The following LARP4 variants were observed in gnomAD, a reference collection of about 807,000 sequenced individuals.
LARP4 encodes the protein la-related protein 4.
In LARP4, 29 loss-of-function variants were observed where a neutral mutation model predicts 92.9. The observed-to-expected ratio is 0.31, with a 90% confidence interval of 0.23 to 0.43. The LOEUF (loss-of-function observed/expected upper bound fraction) is 0.43, where lower values mean the gene tolerates loss of function less well. Among genes scored for constraint, LARP4 ranks in the 20% least tolerant of loss-of-function variants. LARP4 has a pLI of 1.00. For synonymous variants in LARP4, 279 were observed against 284.1 expected, an observed-to-expected ratio of 0.98 and a Z score of 0.18; for missense variants, 732 against 860.0, an observed-to-expected ratio of 0.85 and a Z score of 1.86.
intron 1 of LARP4, among the ~76,000 whole-genome samples, chr12:50,423,360 A>G (rs1000106993): frequency 2.6e-5 from 4 of 152,190 alleles, no homozygotes; most frequent in African/African-American, 7.2e-5. Flanking sequence ...TTTTGATAGA[A>G]TGCGTCGGTG....
chr12:50,470,037 TAGAG>T (rs756024039), intron 13 of LARP4, among the ~76,000 whole-genome samples: 1 of 150,316 alleles, frequency 6.7e-6, no homozygotes, highest in Non-Finnish European at 1.5e-5. Flanking sequence ...GTGGGCAACA[TAGAG>T]AGGTCCCGTC....
rs915491346 is a variant in LARP4 at position 50,478,186 on chromosome 12, GTTAT to G, written c.*2326_*2329del. The stretch of plus-strand genomic sequence containing the variant: ...GTATATTTTTGCTTTTACTTCAAAT[GTTAT>G]TTAAAGTAGAAATTTAATTTGTAGA... On this transcript the variant is annotated 3_prime_UTR_variant, in exon 16 of 16. Coordinates refer to ENST00000398473, the MANE Select transcript of LARP4 (RefSeq NM_052879.5). The G allele has an allele frequency of 4.6e-5, 7 of 152,176 alleles. No homozygotes were observed. Among genetic ancestry groups the G allele is most frequent in the Middle Eastern group, 3.2e-3 (1 of 316 alleles). 9.4% of individuals were successfully genotyped at this position (152,176 alleles called of 1,614,324 possible).
In LARP4 at chr12:50,402,703, G is replaced by A. The variant is rs80188006; in HGVS notation, c.18+1675G>A. On this transcript the variant is annotated intron_variant, in intron 1 of 15. Coordinates refer to ENST00000398473, the MANE Select transcript of LARP4 (RefSeq NM_052879.5). ...ACAAAACCGAGCCCCAGAGGTTAAA[G>A]TAACTTTACTTAGTAAAAGTAAAGT... is the stretch of plus-strand genomic sequence containing the variant. The A allele has an allele frequency of 2.7e-5, 12 of 447,212 alleles. No individual in the cohort carries two copies. In the East Asian group the frequency reaches 8.7e-4, roughly 32 times the overall value. 27.7% of individuals were successfully genotyped at this position (447,212 alleles called of 1,614,324 possible).
At chr12:50,418,458 T>C (rs1947215224) in intron 1 of LARP4, among the ~76,000 whole-genome samples, 1 of 152,256 alleles carries the variant, frequency 6.6e-6, no homozygotes, top group Admixed American at 6.5e-5. Flanking sequence ...CCTTGAAATA[T>C]TATGAATTAG....
chr12:50,457,951 T>A (rs1954624565), intron 10 of LARP4, among the ~76,000 whole-genome samples: 1 of 151,392 alleles, frequency 6.6e-6, no homozygotes, highest in Non-Finnish European at 1.5e-5. Context: ...TTTTTTTTTT[T>A]AAGACAGTGT....
At chr12:50,414,884 T>G (rs1254947703) in intron 1 of LARP4, among the ~76,000 whole-genome samples, 2 of 152,182 alleles carry the variant, frequency 1.3e-5, no homozygotes, top group East Asian at 1.9e-4. Flanking sequence ...TTTATATGTC[T>G]TCTTGTGTGC....
intron 1 of LARP4, among the ~76,000 whole-genome samples, chr12:50,405,752 T>C (rs17531020): frequency 0.11 from 16,694 of 152,136 alleles, 1,827 homozygotes; most frequent in East Asian, 0.47. Context: ...TCCCTGAAAA[T>C]GAAGACAGTT....
rs912990449 is a variant in LARP4, at chr12:50,473,476, C to G, written c.1607C>G (p.Ser536Cys). Residue 536 changes from serine (S) to cysteine (C), a missense_variant, in exon 14 of 16, where the codon TCT (serine) becomes TGT (cysteine). Physicochemically the swap from Ser to Cys is moderately radical, Grantham distance 112. Around this residue, in one of 7 missense-constraint regions of LARP4, gnomAD observed 97 missense variants for 85.9 expected, o/e 1.13. Coordinates refer to ENST00000398473, the MANE Select transcript of LARP4 (RefSeq NM_052879.5). Reference sequence around the variant, plus strand: ...GCAGATGAGCAGACAGAATGCACTTCTGCCCAGCAACTCAATATGAGTACC... The same window carrying G: ...GCAGATGAGCAGACAGAATGCACTTGTGCCCAGCAACTCAATATGAGTACC... ...VPADEQTECTSAQQLNMSTSS... is the reference protein window; with the variant it reads ...VPADEQTECTCAQQLNMSTSS... 8 of 1,613,114 alleles carry G rather than the reference C, an allele frequency of 5.0e-6. No individual in the cohort carries two copies. Among genetic ancestry groups the G allele is most frequent in the South Asian group, 1.1e-5 (1 of 91,066 alleles).
Position 50,454,302 on chromosome 12 carries a change from A to G in LARP4, c.1018-12A>G, listed in dbSNP as rs760767635. ...TGCCATTAATATTGTTTAAACATACATTTTTTTCTAGGCTCCCTTTCCCAA... is the reference window on the plus strand; with the variant it reads ...TGCCATTAATATTGTTTAAACATACGTTTTTTTCTAGGCTCCCTTTCCCAA... On this transcript the variant is annotated splice_polypyrimidine_tract_variant and intron_variant, in intron 9 of 15. Transcript: ENST00000398473. 3.1e-6 allele frequency: 5 copies of G among 1,600,718 alleles called. No individual in the cohort carries two copies. In the South Asian group the frequency reaches 4.4e-5, roughly 14 times the overall value.
At chr12:50,401,252 AG>A in intron 1 of LARP4, 1 of 604,826 alleles carries the variant, frequency 1.7e-6, no homozygotes, top group Non-Finnish European at 3.0e-6. Context: ...GAATTGAAGG[AG>A]AAAAACGGAG....
intron 1 of LARP4, among the ~76,000 whole-genome samples, chr12:50,414,708 T>C (rs1021086657): frequency 1.3e-5 from 2 of 152,234 alleles, no homozygotes; most frequent in Non-Finnish European, 1.5e-5. Flanking sequence ...ACAATATGCA[T>C]TGGAACAATT....
At chr12:50,452,932 CAG>C (rs1361605614) in intron 8 of LARP4, among the ~76,000 whole-genome samples, 1 of 151,978 alleles carries the variant, frequency 6.6e-6, no homozygotes, top group East Asian at 1.9e-4. Context: ...TGTTTAGAGA[CAG>C]GGTCTCGCTC....
chr12:50,427,815 A>G lies in LARP4; in HGVS notation c.72A>G (p.Glu24=). 7 of 1,600,618 alleles carry G rather than the reference A, an allele frequency of 4.4e-6. No homozygotes were observed. The African/African-American group carries it at 5.3e-5, about 12-fold the overall frequency. The change falls in exon 2 of 16, where the codon GAA becomes GAG. Residue 24 remains glutamate, a synonymous_variant. Transcript: ENST00000398473. ...ATCCTAATGCCAAAGTATGGCAAGAAATTGCTCCTGGAAATACTGATGCCA... is the reference window on the plus strand; with the variant it reads ...ATCCTAATGCCAAAGTATGGCAAGAGATTGCTCCTGGAAATACTGATGCCA... ...GLNPNAKVWQ[E]IAPGNTDATP...
chr12:50,408,616 G>A (rs1945286206), intron 1 of LARP4, among the ~76,000 whole-genome samples: 1 of 152,128 alleles, frequency 6.6e-6, no homozygotes. Flanking sequence ...TGACTAGCAG[G>A]TAAGATGATC....
At chr12:50,436,155 GGTGTGT>G (rs1233189885) in intron 5 of LARP4, among the ~76,000 whole-genome samples, 1 of 107,228 alleles carries the variant, frequency 9.3e-6, no homozygotes, top group South Asian at 3.5e-4. Flanking sequence ...ATCCCGCTGG[GGTGTGT>G]GTGTGTGTGT....
intron 13 of LARP4, among the ~76,000 whole-genome samples, chr12:50,467,845 T>G (rs1481382800): frequency 8.9e-6 from 1 of 111,962 alleles, no homozygotes; most frequent in Non-Finnish European, 2.0e-5. Flanking sequence ...TTTCTACCTT[T>G]ATTCTAATTC....
chr12:50,445,267 C>A (rs903359948), intron 8 of LARP4, among the ~76,000 whole-genome samples: 4 of 152,124 alleles, frequency 2.6e-5, no homozygotes, highest in Admixed American at 2.6e-4. Context: ...ATTTTCCATT[C>A]TTTTAAGATA....
At chr12:50,461,576 A>C in intron 11 of LARP4, 1 of 468,726 alleles carries the variant, frequency 2.1e-6, no homozygotes, top group Non-Finnish European at 3.7e-6. Flanking sequence ...AGTTATTCTG[A>C]AGTTCCTTAT....
At chr12:50,468,543 C>T (rs779237339) in intron 13 of LARP4, among the ~76,000 whole-genome samples, 5 of 151,900 alleles carry the variant, frequency 3.3e-5, no homozygotes, top group African/African-American at 7.3e-5. Context: ...GTGATCCGCC[C>T]GTCTCGGCCT....
Sources: allele counts gnomAD v4.1 joint callset (sites outside exome capture counted in the v4.1 genomes callset), GRCh38; gene constraint gnomAD v4.1.1; regional missense constraint gnomAD v4.1.1; transcripts MANE v1.5; gene names NCBI Gene and HGNC (gene_info 2026-07-23, HGNC 2026-07-21).